PRSS48: variants seen among roughly 807,000 people sequenced by gnomAD.
The protein encoded by PRSS48 is epidermis-specific serine protease-like protein.
In PRSS48, 21 loss-of-function variants were observed where a neutral mutation model predicts 25.6. The ratio of observed to expected loss-of-function variants is 0.82; its 90% CI spans 0.58 to 1.18. PRSS48 has a LOEUF of 1.18. Among genes scored for constraint, PRSS48 ranks in the 50% most tolerant of loss-of-function variants. PRSS48 has a pLI of 0.00. For missense variants in PRSS48, 373 were observed against 399.3 expected, an observed-to-expected ratio of 0.93 and a Z score of 0.56; for synonymous variants, 150 against 149.3, an observed-to-expected ratio of 1.00 and a Z score of -0.04.
chr4:151,286,522 A>T, intron 4 of PRSS48, among the ~76,000 whole-genome samples: 1 of 151,682 alleles, frequency 6.6e-6, no homozygotes, highest in East Asian at 1.9e-4. Context: ...AGAAACACAC[A>T]AACTACCATA....
chr4:151,278,235 T>C (rs1473903556), intron 1 of PRSS48, among the ~76,000 whole-genome samples: 3 of 152,164 alleles, frequency 2.0e-5, no homozygotes, highest in Non-Finnish European at 4.4e-5. Flanking sequence ...GATGGTGACC[T>C]TGAATCAAGT....
At chr4:151,277,967 G>T (rs1399640123) in intron 1 of PRSS48, among the ~76,000 whole-genome samples, 1 of 152,172 alleles carries the variant, frequency 6.6e-6, no homozygotes, top group Non-Finnish European at 1.5e-5. Context: ...CTTGAGCCTG[G>T]AAAGTGGAGG....
chr4:151,280,892 A>G (rs982611008), intron 2 of PRSS48, among the ~76,000 whole-genome samples: 4 of 152,238 alleles, frequency 2.6e-5, no homozygotes, highest in Admixed American at 2.0e-4. Context: ...ACCCATATGC[A>G]AACTATCAAT....
At chr4:151,278,731 A>T (rs114381361) in intron 1 of PRSS48, among the ~76,000 whole-genome samples, 1,579 of 152,186 alleles carry the variant, frequency 0.01, 27 homozygotes, top group African/African-American at 0.036. Flanking sequence ...CCCGGGCTCA[A>T]GCAATCCTCC....
chr4:151,284,279 T>C (rs2150011217), intron 4 of PRSS48, among the ~76,000 whole-genome samples: 1 of 152,342 alleles, frequency 6.6e-6, no homozygotes, highest in African/African-American at 2.4e-5. Flanking sequence ...CTCTCTGTTC[T>C]TCAAATTGGA....
chr4:151,290,869 TCTC>T (rs1177573134), intron 4 of PRSS48, among the ~76,000 whole-genome samples: 2 of 152,192 alleles, frequency 1.3e-5, no homozygotes, highest in Non-Finnish European at 2.9e-5. Context: ...TAGTTTTATT[TCTC>T]TTTTTATCAC....
At chr4:151,279,091 T>C in intron 1 of PRSS48, 1 of 422,782 alleles carries the variant, frequency 2.4e-6, no homozygotes, top group Non-Finnish European at 4.6e-6. Context: ...CATCCACAGA[T>C]AAAGCTGTGG....
chr4:151,285,064 T>C (rs1237392053), intron 4 of PRSS48, among the ~76,000 whole-genome samples: 4 of 152,122 alleles, frequency 2.6e-5, no homozygotes, highest in African/African-American at 9.7e-5. Flanking sequence ...TGCATGATAA[T>C]GACTGGGGCC....
intron 1 of PRSS48, among the ~76,000 whole-genome samples, chr4:151,277,858 T>G (rs1366367280): frequency 6.6e-6 from 1 of 152,102 alleles, no homozygotes; most frequent in Non-Finnish European, 1.5e-5. Context: ...CTGGGCAACA[T>G]GGTGAAACCC....
At chr4:151,278,373 A>G (rs1773855207) in intron 1 of PRSS48, among the ~76,000 whole-genome samples, 1 of 151,606 alleles carries the variant, frequency 6.6e-6, no homozygotes, top group South Asian at 2.1e-4. Flanking sequence ...GGTTCAAGCA[A>G]TCCTCCCACT....
intron 4 of PRSS48, among the ~76,000 whole-genome samples, chr4:151,285,987 G>T (rs1481369336): frequency 6.6e-6 from 1 of 150,508 alleles, no homozygotes; most frequent in Non-Finnish European, 1.5e-5. Flanking sequence ...TTTCAGCCCA[G>T]GAGTTCGAGA....
chr4:151,279,071 G>T, intron 1 of PRSS48: 6 of 407,150 alleles, frequency 1.5e-5, no homozygotes, highest in South Asian at 1.0e-4. Flanking sequence ...ACCTCTCACT[G>T]ACCAGGGAAC....
At chr4:151,284,991 T>C (rs1410045046) in intron 4 of PRSS48, among the ~76,000 whole-genome samples, 1 of 152,204 alleles carries the variant, frequency 6.6e-6, no homozygotes, top group Non-Finnish European at 1.5e-5. Context: ...CTAAGGTAGC[T>C]CTGAACTCTA....
At chr4:151,278,637 TC>T (rs1445165286) in intron 1 of PRSS48, among the ~76,000 whole-genome samples, 1 of 151,932 alleles carries the variant, frequency 6.6e-6, no homozygotes, top group Admixed American at 6.6e-5. Context: ...CACATTTTTT[TC>T]CTTTTCTTTT....
exon 5 of PRSS48, chr4:151,291,255 T>A: frequency 6.2e-7 from 1 of 1,614,026 alleles, no homozygotes; most frequent in Non-Finnish European, 8.5e-7. Flanking sequence ...AATGGATTAA[T>A]GCCACTATTT....
At chr4:151,286,194 A>AC (rs1346873730) in intron 4 of PRSS48, among the ~76,000 whole-genome samples, 1 of 149,844 alleles carries the variant, frequency 6.7e-6, no homozygotes, top group Non-Finnish European at 1.5e-5. Context: ...GAAAAAAAAA[A>AC]AAAAAAAAAA....
intron 4 of PRSS48, among the ~76,000 whole-genome samples, chr4:151,285,434 G>C (rs988822766): frequency 7.9e-5 from 12 of 152,116 alleles, no homozygotes; most frequent in African/African-American, 2.9e-4. Flanking sequence ...AATGAAATTA[G>C]AAGTAAATAA....
At chr4:151,286,512 AG>A (rs1332606065) in intron 4 of PRSS48, among the ~76,000 whole-genome samples, 2 of 151,706 alleles carry the variant, frequency 1.3e-5, no homozygotes, top group African/African-American at 4.8e-5. Context: ...ACAAATTCCT[AG>A]AAACACACAA....
intron 4 of PRSS48, among the ~76,000 whole-genome samples, chr4:151,287,359 A>G (rs78963701): frequency 6.6e-6 from 1 of 151,470 alleles, no homozygotes; most frequent in Non-Finnish European, 1.5e-5. Flanking sequence ...AAAAAAAAAA[A>G]AAGAGGGAAC....
Sources: allele counts gnomAD v4.1 joint callset (sites outside exome capture counted in the v4.1 genomes callset), GRCh38; gene constraint gnomAD v4.1.1; transcripts MANE v1.5; gene names NCBI Gene and HGNC (gene_info 2026-07-23, HGNC 2026-07-21).